Variants in ATOH8 observed in about 807,000 individuals in gnomAD.
ATOH8 encodes the protein atonal bHLH transcription factor 8.
In ATOH8, 9 loss-of-function variants were observed where a neutral mutation model predicts 21.2. That is an observed-to-expected ratio of 0.42 (90% CI 0.26 to 0.74). ATOH8 has a LOEUF of 0.74. Among genes scored for constraint, ATOH8 ranks in the 30% least tolerant of loss-of-function variants. ATOH8 has a pLI of 0.24. For missense variants in ATOH8, 524 were observed against 470.9 expected (o/e 1.11, Z -1.04); for synonymous variants, 253 against 224.0 (o/e 1.13, Z -1.16).
At chr2:85,783,788 GT>G (rs1680557212) in intron 2 of ATOH8, 1 of 152,134 alleles carries the variant, frequency 6.6e-6, no homozygotes, top group South Asian at 2.1e-4. Context: ...GTTCTGTGGT[GT>G]GGTGGTCACA....
At chr2:85,778,012 C>T (rs1680376022) in intron 2 of ATOH8, among the ~76,000 whole-genome samples, 1 of 152,218 alleles carries the variant, frequency 6.6e-6, no homozygotes, top group South Asian at 2.1e-4. Context: ...CCTTCCTACC[C>T]CACCCCGATG....
At chr2:85,774,857 G>C (rs766082551) in intron 2 of ATOH8, 27 of 924,692 alleles carry the variant, frequency 2.9e-5, no homozygotes, top group Non-Finnish European at 3.5e-5. Context: ...CATCCCTTCT[G>C]CCTGGAATGC....
At chr2:85,775,372 G>T (rs902772181) in intron 2 of ATOH8, among the ~76,000 whole-genome samples, 4 of 152,186 alleles carry the variant, frequency 2.6e-5, no homozygotes, top group African/African-American at 9.7e-5. Context: ...TTAACTAGGG[G>T]CTTTAGGACA....
chr2:85,756,787 C>G, intron 1 of ATOH8, among the ~76,000 whole-genome samples: 1 of 152,158 alleles, frequency 6.6e-6, no homozygotes, highest in East Asian at 1.9e-4. Flanking sequence ...GCCCTCCTGG[C>G]CAAATGCTTC....
Position 85,770,838 on chromosome 2 carries a change from G to A in ATOH8, c.960+6656G>A, listed in dbSNP as rs114463124. Reference sequence around the variant, plus strand: ...AAATTGCTCCCCACCCTCAACATGCGCTCCCAGACCCCACCCTTCTCCCCA... The same window carrying A: ...AAATTGCTCCCCACCCTCAACATGCACTCCCAGACCCCACCCTTCTCCCCA... On this transcript the variant is annotated intron_variant, in intron 2 of 2. Coordinates refer to ENST00000306279, the MANE Select transcript of ATOH8 (RefSeq NM_032827.7). Among the ~76,000 whole-genome samples the A allele has an allele frequency of 7.2e-3, 1,089 of 151,914 alleles. 18 individuals are homozygous for A. Among genetic ancestry groups the A allele is most frequent in the African/African-American group, 0.025 (1,041 of 41,378 alleles).
At chr2:85,777,086 A>G (rs1477094091) in intron 2 of ATOH8, among the ~76,000 whole-genome samples, 2 of 152,162 alleles carry the variant, frequency 1.3e-5, no homozygotes, top group Non-Finnish European at 2.9e-5. Context: ...TCTACTTAAG[A>G]ATAAATCGCC....
rs573093084 is a variant in ATOH8, at chr2:85,790,981, G to A, written c.*4091G>A. Among the ~76,000 whole-genome samples, 10 of 152,312 alleles carry A rather than the reference G, an allele frequency of 6.6e-5. No individual in the cohort carries two copies. The highest frequency in any genetic ancestry group is 3.3e-4 in the Admixed American group (5 of 15,306). ...TGAGTGGATCTGTACCGTTGTTCTC[G>A]TCTTGCTCTCTTGCTGCCCTGCCAC... On this transcript the variant is annotated 3_prime_UTR_variant, in exon 3 of 3. Coordinates refer to ENST00000306279, the MANE Select transcript of ATOH8 (RefSeq NM_032827.7).
intron 2 of ATOH8, chr2:85,774,570 C>T (rs939431249): frequency 3.8e-5 from 37 of 985,454 alleles, no homozygotes; most frequent in Admixed American, 2.5e-4. Flanking sequence ...CAGCCACCGG[C>T]GCCTGTCTTA....
Position 85,754,393 on chromosome 2 carries a change from G to GCCGGTC in ATOH8, c.210_215dup (p.Pro79_Val80dup). On this transcript the variant is annotated inframe_insertion, in exon 1 of 3. Coordinates refer to ENST00000306279, the MANE Select transcript of ATOH8 (RefSeq NM_032827.7). ...TGCGGGACAGGACCCATCGGCTGCA[G>GCCGGTC]CCGGTCCCGGTACCGGTGCCGGTGC... is the stretch of plus-strand genomic sequence containing the variant. 6.3e-7 allele frequency: 1 copy of GCCGGTC among 1,582,846 alleles called. No individual in the cohort carries two copies. Among genetic ancestry groups the GCCGGTC allele is most frequent in the Non-Finnish European group, 8.6e-7 (1 of 1,167,410 alleles).
At chr2:85,771,659 G>A (rs1340297153) in intron 2 of ATOH8, among the ~76,000 whole-genome samples, 2 of 152,216 alleles carry the variant, frequency 1.3e-5, no homozygotes, top group Non-Finnish European at 1.5e-5. Flanking sequence ...GGATGTCAAA[G>A]TAGAGGGAGT....
intron 1 of ATOH8, among the ~76,000 whole-genome samples, chr2:85,760,550 C>T (rs903674458): frequency 6.6e-6 from 1 of 152,214 alleles, no homozygotes; most frequent in Non-Finnish European, 1.5e-5. Context: ...GAGTTCAAAA[C>T]GCAGCTCTTC....
rs1052574573 is a variant in ATOH8, at chr2:85,785,784, A to G, written c.961-1101A>G. ...ATGGGAATGCTCCCTGGCAGGTCGG[A>G]GGTGCCTGACAGATGTTTTGCTTTA... On this transcript the variant is annotated intron_variant, in intron 2 of 2. Coordinates refer to ENST00000306279, the MANE Select transcript of ATOH8 (RefSeq NM_032827.7). The surrounding 1 kb of genome is among the most constrained non-coding windows in gnomAD (Gnocchi z 4.1). Among the ~76,000 whole-genome samples the G allele has an allele frequency of 1.3e-5, 2 of 152,248 alleles. No homozygotes were observed. Among genetic ancestry groups the G allele is most frequent in the Non-Finnish European group, 2.9e-5 (2 of 68,040 alleles).
chr2:85,780,899 A>T, intron 2 of ATOH8: 1 of 986,028 alleles, frequency 1.0e-6, no homozygotes, highest in Non-Finnish European at 1.2e-6. Context: ...CCTGCCTGTC[A>T]CCCATGGCAC....
chr2:85,777,174 G>A (rs773957214), intron 2 of ATOH8, among the ~76,000 whole-genome samples: 3 of 152,130 alleles, frequency 2.0e-5, no homozygotes, highest in African/African-American at 4.8e-5. Flanking sequence ...CCCACCCTTC[G>A]GAACTCAGAG....
At chr2:85,786,554 C>CA (rs1200140447) in intron 2 of ATOH8, among the ~76,000 whole-genome samples, 1 of 152,210 alleles carries the variant, frequency 6.6e-6, no homozygotes, top group Non-Finnish European at 1.5e-5. Flanking sequence ...TGAGATCCCT[C>CA]AGAGGGGTGG....
chr2:85,776,362 C>T (rs1184224884), intron 2 of ATOH8, among the ~76,000 whole-genome samples: 2 of 152,222 alleles, frequency 1.3e-5, no homozygotes, highest in African/African-American at 2.4e-5. Flanking sequence ...CTTCAACAAG[C>T]TTCACTTTCC....
chr2:85,765,215 C>G (rs1415213783), intron 2 of ATOH8, among the ~76,000 whole-genome samples: 2 of 152,164 alleles, frequency 1.3e-5, no homozygotes, highest in African/African-American at 4.8e-5. Flanking sequence ...GGGGGCGGAC[C>G]CTGTCATCCT....
intron 2 of ATOH8, chr2:85,774,587 C>T (rs1272174513): frequency 1.0e-5 from 10 of 985,568 alleles, no homozygotes; most frequent in Non-Finnish European, 1.2e-5. Flanking sequence ...CTTAGCTGCC[C>T]TGGCTGTCAG....
In ATOH8 at chr2:85,754,263, A is replaced by T. The variant is rs772090814; in HGVS notation, c.74A>T (p.Lys25Met). The T allele has an allele frequency of 1.2e-6, 2 of 1,610,080 alleles. No individual in the cohort carries two copies. Among genetic ancestry groups the T allele is most frequent in the South Asian group, 2.2e-5 (2 of 90,994 alleles). The change falls in exon 1 of 3, where the codon AAG becomes ATG. Residue 25 changes from lysine to methionine, a missense_variant. Physicochemically the swap from Lys to Met is moderately conservative, Grantham distance 95 (BLOSUM62 -1). Transcript: ENST00000306279. ...GTGAAGGAGCTGAACGGCCTTAAGA[A>T]GCTCAAGCGGAAAGGCAAGGAGCCG... ...VCVKELNGLK[K>M]LKRKGKEPAR...
Sources: allele counts gnomAD v4.1 joint callset (sites outside exome capture counted in the v4.1 genomes callset), GRCh38; gene constraint gnomAD v4.1.1; non-coding constraint Gnocchi (gnomAD v3.1); transcripts MANE v1.5; gene names NCBI Gene and HGNC (gene_info 2026-07-23, HGNC 2026-07-21).